Variants in SRD5A3 observed in about 807,000 individuals in gnomAD.
SRD5A3 encodes polyprenal reductase.
A neutral mutation model predicts 34.3 loss-of-function variants in SRD5A3; 24 were observed. The ratio of observed to expected loss-of-function variants is 0.70; its 90% CI spans 0.51 to 0.99. SRD5A3 has a LOEUF of 0.99. SRD5A3 is among the 50% of genes least tolerant of loss of function. The pLI is 0.00. For missense variants in SRD5A3, 350 were observed against 388.2 expected, an observed-to-expected ratio of 0.90 and a Z score of 0.83; for synonymous variants, 161 against 167.3, an observed-to-expected ratio of 0.96 and a Z score of 0.29.
intron 4 of SRD5A3, among the ~76,000 whole-genome samples, chr4:55,369,404 G>C (rs1393337673): frequency 6.6e-6 from 1 of 152,114 alleles, no homozygotes; most frequent in Non-Finnish European, 1.5e-5. Context: ...CAGGATGGTG[G>C]TTTACACACA....
At chr4:55,351,942 A>C in intron 1 of SRD5A3, 5 of 726,238 alleles carry the variant, frequency 6.9e-6, no homozygotes, top group Non-Finnish European at 1.3e-5. Context: ...TGTGGCCACA[A>C]TATAAAACTT....
chr4:55,347,175 A>T (rs1719028602), intron 1 of SRD5A3, among the ~76,000 whole-genome samples: 1 of 152,250 alleles, frequency 6.6e-6, no homozygotes, highest in African/African-American at 2.4e-5. Flanking sequence ...CTTTCGAAAA[A>T]TTCTGTAACC....
At chr4:55,352,149 C>A (rs1719217795) in intron 1 of SRD5A3, 2 of 851,426 alleles carry the variant, frequency 2.3e-6, no homozygotes, top group African/African-American at 3.3e-5. Flanking sequence ...ATTGACTGCA[C>A]TAAGTCTGGT....
intron 1 of SRD5A3, among the ~76,000 whole-genome samples, chr4:55,356,075 C>A (rs897108265): frequency 2.6e-5 from 3 of 117,008 alleles, no homozygotes; most frequent in African/African-American, 9.8e-5. Flanking sequence ...GTGGTGCAAT[C>A]TTGGCTCACT....
chr4:55,351,281 A>T (rs1719183214), intron 1 of SRD5A3, among the ~76,000 whole-genome samples: 1 of 152,056 alleles, frequency 6.6e-6, no homozygotes, highest in African/African-American at 2.4e-5. Flanking sequence ...CATGTTGGCC[A>T]GGCTGGTCTT....
At position 55,351,876 on chromosome 4, in the gene SRD5A3, T is replaced by C. The variant is rs548593560; in HGVS notation, c.221+5319T>C. On this transcript the variant is annotated intron_variant, in intron 1 of 4. Transcript: ENST00000264228. ...AATGTTGTATCTATGGTTAGAAATGTACATGACAGGAACTCCAGGAATCTT... is the reference window on the plus strand; with the variant it reads ...AATGTTGTATCTATGGTTAGAAATGCACATGACAGGAACTCCAGGAATCTT... The C allele has an allele frequency of 1.2e-3, 737 of 622,504 alleles. 5 individuals carry two copies. Among genetic ancestry groups the C allele is most frequent in the Middle Eastern group, 8.5e-3 (18 of 2,130 alleles). The allele number at this position is 622,504 out of a possible 1,614,324, so 38.6% of individuals were successfully genotyped here. A position where few individuals can be genotyped will look rare whatever the true frequency, so the allele number is the denominator to read the frequency against.
At chr4:55,358,366 A>C (rs192603378) in intron 1 of SRD5A3, among the ~76,000 whole-genome samples, 1 of 151,934 alleles carries the variant, frequency 6.6e-6, no homozygotes, top group Non-Finnish European at 1.5e-5. Flanking sequence ...TCACATCTCT[A>C]TAAAAAGTTT....
At chr4:55,367,329 A>C (rs138843148) in intron 3 of SRD5A3, among the ~76,000 whole-genome samples, 4 of 152,284 alleles carry the variant, frequency 2.6e-5, no homozygotes, top group Non-Finnish European at 5.9e-5. Flanking sequence ...TGCCAGGGGA[A>C]CTGAAGCTGC....
chr4:55,363,147 G>A (rs748314133), intron 2 of SRD5A3, among the ~76,000 whole-genome samples: 23 of 150,972 alleles, frequency 1.5e-4, no homozygotes, highest in Non-Finnish European at 2.5e-4. Context: ...GCCCCCGGCC[G>A]TGACTCATTT....
Position 55,350,105 on chromosome 4 carries a change from C to G in SRD5A3, c.221+3548C>G, listed in dbSNP as rs546837471. Among the ~76,000 whole-genome samples, 550 of 152,246 alleles carry G rather than the reference C, an allele frequency of 3.6e-3. 2 individuals are homozygous for G. Among genetic ancestry groups the G allele is most frequent in the Middle Eastern group, 6.8e-3 (2 of 294 alleles). On this transcript the variant is annotated intron_variant, in intron 1 of 4. Transcript: ENST00000264228. ...ATATTACAGGCTGGGTGCAGTGGCT[C>G]ACACCTGTAATCCCAGCACTTTGGG...
rs1425721210 is a variant in SRD5A3 at position 55,346,562 on chromosome 4, C to G, written c.221+5C>G. ...AGCCTTTGATGTCCCCAAGAGGTAA[C>G]CGCGCCCCGGTCCCGAGCCGCGGTG... On this transcript the variant is annotated splice_donor_5th_base_variant and intron_variant, in intron 1 of 4. Transcript: ENST00000264228. The G allele has an allele frequency of 6.3e-7, 1 of 1,577,816 alleles. No homozygotes were observed. Among genetic ancestry groups the G allele is most frequent in the Admixed American group, 1.8e-5 (1 of 56,556 alleles).
intron 1 of SRD5A3, among the ~76,000 whole-genome samples, chr4:55,350,652 A>T (rs1390975978): frequency 6.6e-6 from 1 of 152,246 alleles, no homozygotes; most frequent in African/African-American, 2.4e-5. Context: ...TTTGAAATGT[A>T]TAACACTCTA....
At chr4:55,358,535 C>CA (rs576702969) in intron 1 of SRD5A3, among the ~76,000 whole-genome samples, 25,061 of 112,444 alleles carry the variant, frequency 0.22, 2,985 homozygotes, top group South Asian at 0.29. Context: ...GACCCTGTCT[C>CA]AAAAAAAAAA....
At chr4:55,360,084 G>C (rs1018826094) in intron 2 of SRD5A3, among the ~76,000 whole-genome samples, 2 of 151,746 alleles carry the variant, frequency 1.3e-5, no homozygotes, top group Non-Finnish European at 1.5e-5. Context: ...GCATGGTGGC[G>C]GGCACCTGTA....
chr4:55,359,516 G>GCTGCATCCCGTTTCTGTTGTTC, intron 2 of SRD5A3, 28 bp downstream of exon 2: 2 of 1,613,394 alleles, frequency 1.2e-6, no homozygotes, highest in Non-Finnish European at 1.7e-6. Context: ...TTATGACAAC[G>GCTGCATCCCGTTTCTGTTGTTC]CTGCATCCCG....
Position 55,346,320 on chromosome 4 carries a change from A to G in SRD5A3, c.-17A>G. On this transcript the variant is annotated 5_prime_UTR_variant, in exon 1 of 5. Coordinates refer to ENST00000264228, the MANE Select transcript of SRD5A3 (RefSeq NM_024592.5). ...GCGGTGGGGGCGCCAGCAGCGCGGAAGGCGGGCACGCGGGCCATGGCTCCC... is the reference window on the plus strand; with the variant it reads ...GCGGTGGGGGCGCCAGCAGCGCGGAGGGCGGGCACGCGGGCCATGGCTCCC... 1 of 1,412,374 alleles carries G rather than the reference A, an allele frequency of 7.1e-7. No individual in the cohort carries two copies. Among genetic ancestry groups the G allele is most frequent in the East Asian group, 3.0e-5 (1 of 32,902 alleles). The allele number at this position is 1,412,374 out of a possible 1,614,324, so 87.5% of individuals were successfully genotyped here. A position where few individuals can be genotyped will look rare whatever the true frequency, so the allele number is the denominator to read the frequency against.
Position 55,370,058 on chromosome 4 carries a change from G to A in SRD5A3, c.924G>A (p.Lys308=), listed in dbSNP as rs764601564. The part of the protein sequence containing the change: ...FYKSKFVSYP[K]HRKAFLPFLF ...AAAGCAAATTTGTCTCTTACCCGAA[G>A]CATAGGAAAGCTTTCCTACCATTTT... Residue 308 remains lysine, a synonymous_variant, in exon 5 of 5, where the codon AAG becomes AAA. Coordinates refer to ENST00000264228, the MANE Select transcript of SRD5A3 (RefSeq NM_024592.5). The A allele has an allele frequency of 6.2e-7, 1 of 1,614,018 alleles. No individual in the cohort carries two copies. The highest frequency in any genetic ancestry group is 2.2e-5 in the East Asian group (1 of 44,884).
chr4:55,367,246 A>C, intron 3 of SRD5A3: 1 of 373,510 alleles, frequency 2.7e-6, no homozygotes, highest in Non-Finnish European at 5.0e-6. Flanking sequence ...AGTAGATCAC[A>C]GTAGGGGAGC....
intron 1 of SRD5A3, among the ~76,000 whole-genome samples, chr4:55,354,755 C>A (rs1719373944): frequency 6.6e-6 from 1 of 152,220 alleles, no homozygotes; most frequent in Non-Finnish European, 1.5e-5. Flanking sequence ...TTCCTCTTTT[C>A]TGCATTAGTT....
Sources: gnomAD v4.1 joint callset for allele counts (sites outside exome capture counted in the v4.1 genomes callset) on GRCh38, gnomAD v4.1.1 for gene constraint, MANE v1.5 for transcripts, NCBI Gene and HGNC (gene_info 2026-07-23, HGNC 2026-07-21) for gene names.